Variants in DNAH8 observed in about 807,000 individuals in gnomAD.
DNAH8 encodes the protein axonemal beta dynein heavy chain 8.
DNAH8 carries 382 observed loss-of-function variants against 562.1 expected under a neutral mutation model. The observed-to-expected ratio is 0.68, with a 90% CI of 0.63 to 0.74. The LOEUF (loss-of-function observed/expected upper bound fraction) is 0.74, where lower values mean the gene tolerates loss of function less well. DNAH8 is among the 30% of genes least tolerant of loss of function. The probability of loss-of-function intolerance (pLI) is 0.00; values close to 1 mark genes in which losing one functional copy is unlikely to be tolerated. For missense variants in DNAH8, 5,203 were observed against 5,620.4 expected (o/e 0.93, Z 2.37); for synonymous variants, 1,881 against 1,919.4 (o/e 0.98, Z 0.52).
At chr6:38,770,781 C>T (rs999510596) in intron 12 of DNAH8, among the ~76,000 whole-genome samples, 3 of 152,168 alleles carry the variant, frequency 2.0e-5, no homozygotes, top group African/African-American at 7.2e-5. Context: ...TCAACTTTCA[C>T]ATCTCTCAAG....
chr6:39,016,135 A>G (rs996431249), intron 91 of DNAH8, among the ~76,000 whole-genome samples: 4 of 152,262 alleles, frequency 2.6e-5, no homozygotes, highest in Admixed American at 2.6e-4. Context: ...ACTATTTGAC[A>G]TCAACAGTTG....
chr6:38,812,339 G>C (rs1173015369), intron 24 of DNAH8, among the ~76,000 whole-genome samples: 1 of 152,142 alleles, frequency 6.6e-6, no homozygotes, highest in Non-Finnish European at 1.5e-5. Context: ...GCAAAAAGAA[G>C]CTTTTTTGAA....
In DNAH8 at chr6:39,012,372, G is replaced by C; in HGVS notation, c.13524+5G>C. On this transcript the variant is annotated splice_donor_5th_base_variant and intron_variant, in intron 90 of 92. Coordinates refer to ENST00000327475, the MANE Select transcript of DNAH8 (RefSeq NM_001206927.2). The stretch of plus-strand genomic sequence containing the variant: ...GGAACAATCATTATGAGTGAGGTGA[G>C]CTGTTATTACATCAGTAGGCATTTC... 1 of 1,611,014 alleles carries C rather than the reference G, an allele frequency of 6.2e-7. No individual in the cohort carries two copies. Among genetic ancestry groups the C allele is most frequent in the South Asian group, 1.1e-5 (1 of 90,858 alleles).
intron 79 of DNAH8, 58 bp downstream of exon 79, chr6:38,939,046 T>C (rs1783219182): frequency 1.4e-6 from 2 of 1,385,136 alleles, no homozygotes; most frequent in Non-Finnish European, 2.0e-6. Flanking sequence ...GATATGCTCT[T>C]TGATATACCA....
chr6:38,804,097 G>T (rs1312854306), intron 22 of DNAH8, among the ~76,000 whole-genome samples: 1 of 152,222 alleles, frequency 6.6e-6, no homozygotes, highest in African/African-American at 2.4e-5. Context: ...TAAAGTGGAT[G>T]AAATAATTTT....
chr6:38,726,723 G>GGAT (rs1290370675), intron 3 of DNAH8, among the ~76,000 whole-genome samples: 1 of 152,088 alleles, frequency 6.6e-6, no homozygotes, highest in African/African-American at 2.4e-5. Context: ...GAAAAGGCAA[G>GGAT]GATATATGAT....
rs1377712795 is a variant in DNAH8, at chr6:38,789,829, A to T, written c.2610A>T (p.Leu870Phe). 2 of 1,612,840 alleles carry T rather than the reference A, an allele frequency of 1.2e-6. No homozygotes were observed. Among genetic ancestry groups the T allele is most frequent in the Non-Finnish European group, 8.5e-7 (1 of 1,179,450 alleles). Residue 870 changes from leucine (L) to phenylalanine (F), a missense_variant, in exon 19 of 93, where the codon TTA becomes TTT. Coordinates refer to ENST00000327475, the MANE Select transcript of DNAH8 (RefSeq NM_001206927.2). ...GTCTTCTGCAATATTATGATGAGTT[A>T]TGTCAGGAAGTGCCTTCTGTGTTTG... is the stretch of plus-strand genomic sequence containing the variant. ...LQGLLQYYDE[L>F]CQEVPSVFVN... is the part of the protein sequence containing the mutation.
intron 38 of DNAH8, among the ~76,000 whole-genome samples, chr6:38,851,031 C>T (rs892150899): frequency 4.6e-5 from 7 of 152,164 alleles, no homozygotes; most frequent in African/African-American, 1.7e-4. Flanking sequence ...TAGAAATGTG[C>T]ACTAAGAGAA....
At chr6:38,904,962 A>G (rs1217297404) in intron 62 of DNAH8, among the ~76,000 whole-genome samples, 5 of 152,166 alleles carry the variant, frequency 3.3e-5, no homozygotes, top group South Asian at 2.1e-4. Context: ...GAAAGAAACA[A>G]GAGAGGTCAG....
intron 3 of DNAH8, among the ~76,000 whole-genome samples, chr6:38,727,142 G>A (rs1010664115): frequency 1.3e-5 from 2 of 152,146 alleles, no homozygotes; most frequent in African/African-American, 2.4e-5. Context: ...ACAGGTGTGG[G>A]CCACCGTGCT....
chr6:38,927,134 T>C (rs1478130430), intron 74 of DNAH8, among the ~76,000 whole-genome samples: 1 of 152,224 alleles, frequency 6.6e-6, no homozygotes, highest in Non-Finnish European at 1.5e-5. Context: ...TGTGTCATCA[T>C]TATAGAAAAA....
intron 81 of DNAH8, 21 bp from the exon 82 acceptor site, chr6:38,951,297 C>A: frequency 1.2e-6 from 2 of 1,608,400 alleles, no homozygotes; most frequent in Non-Finnish European, 1.7e-6. Flanking sequence ...TTTATTTCGC[C>A]TAACTTGTAT....
At chr6:38,778,908 T>C (rs1327655952) in intron 14 of DNAH8, among the ~76,000 whole-genome samples, 1 of 152,204 alleles carries the variant, frequency 6.6e-6, no homozygotes, top group Non-Finnish European at 1.5e-5. Flanking sequence ...ATACTTAAGG[T>C]GTATAACATG....
rs370320041 is a variant in DNAH8, at chr6:38,815,528, C to G, written c.3394C>G (p.Leu1132Val). The G allele has an allele frequency of 6.2e-7, 1 of 1,613,910 alleles. No homozygotes were observed. Among genetic ancestry groups the G allele is most frequent in the Non-Finnish European group, 8.5e-7 (1 of 1,179,928 alleles). ...CATTAACCGTATGATCCAGTTAACC[C>G]TGGAGGTCAGCAGAGGAGTGGCTCA... ...QAINRMIQLT[L>V]EVSRGVAHWG... is the part of the protein sequence containing the mutation. Residue 1132 changes from leucine to valine, a missense_variant, in exon 26 of 93, where the codon CTG becomes GTG. Physicochemically the swap from Leu to Val is conservative, Grantham distance 32. Around this residue, in one of 6 missense-constraint regions of DNAH8, gnomAD observed 2,176 missense variants for 2,365.1 expected, o/e 0.92. Transcript: ENST00000327475.
At chr6:38,863,333 G>A (rs1301593657) in intron 44 of DNAH8, among the ~76,000 whole-genome samples, 2 of 91,384 alleles carry the variant, frequency 2.2e-5, no homozygotes, top group African/African-American at 7.1e-5. Context: ...AGGAGGCTGA[G>A]CTAGAATTGC....
chr6:38,741,477 A>T (rs1411691486), intron 7 of DNAH8, among the ~76,000 whole-genome samples: 1 of 151,972 alleles, frequency 6.6e-6, no homozygotes, highest in African/African-American at 2.4e-5. Context: ...AAAAAAACCC[A>T]AAATAAATAA....
In DNAH8 at chr6:38,977,147, T is replaced by A. The variant is rs376198450; in HGVS notation, c.12834+2618T>A. On this transcript the variant is annotated intron_variant, in intron 85 of 92. Transcript: ENST00000327475. ...GGAAGTAAATTTGGCTGGTCAAGGA[T>A]AACTTGGGCAGAAGAGTGGTGGAGG... is the stretch of plus-strand genomic sequence containing the variant. Among the ~76,000 whole-genome samples, 92 of 152,302 alleles carry A rather than the reference T, an allele frequency of 6.0e-4. 2 individuals carry two copies. The highest frequency in any genetic ancestry group is 2.1e-3 in the African/African-American group (88 of 41,564).
intron 44 of DNAH8, 119 bp from the exon 45 acceptor site, chr6:38,863,754 T>C (rs1712920559): frequency 5.3e-6 from 4 of 749,520 alleles, no homozygotes; most frequent in Non-Finnish European, 8.5e-6. Context: ...CAGCCAGATA[T>C]GAAACTTTAC....
At chr6:39,028,488 G>GTA (rs1331399393) in intron 92 of DNAH8, among the ~76,000 whole-genome samples, 3 of 152,128 alleles carry the variant, frequency 2.0e-5, no homozygotes, top group Non-Finnish European at 4.4e-5. Context: ...ATCTGTATAA[G>GTA]TATATATATC....
Sources: allele counts gnomAD v4.1 joint callset (sites outside exome capture counted in the v4.1 genomes callset), GRCh38; gene constraint gnomAD v4.1.1; regional missense constraint gnomAD v4.1.1; transcripts MANE v1.5; gene names NCBI Gene and HGNC (gene_info 2026-07-23, HGNC 2026-07-21).